GNAQ: variants seen among roughly 807,000 people sequenced by gnomAD.
GNAQ encodes the protein guanine nucleotide-binding protein G(q) subunit alpha.
In GNAQ, 8 loss-of-function variants were observed where a neutral mutation model predicts 43.9. The ratio of observed to expected loss-of-function variants is 0.18; its 90% CI spans 0.11 to 0.33. GNAQ has a LOEUF of 0.33. Ranked by LOEUF, GNAQ falls within the 10% of genes least tolerant of loss-of-function variation. The pLI is 1.00. For synonymous variants in GNAQ, 155 were observed against 170.7 expected (o/e 0.91, Z 0.71); for missense variants, 158 against 450.8 (o/e 0.35, Z 5.88).
intron 3 of GNAQ, among the ~76,000 whole-genome samples, chr9:77,806,737 A>G (rs1826836180): frequency 6.6e-6 from 1 of 152,230 alleles, no homozygotes. Context: ...TCACTCATTC[A>G]TTCAACAACT....
intron 5 of GNAQ, among the ~76,000 whole-genome samples, chr9:77,754,343 A>G (rs1825864925): frequency 6.6e-6 from 1 of 152,230 alleles, no homozygotes; most frequent in South Asian, 2.1e-4. Flanking sequence ...GTTCACTAGC[A>G]TCCCAAGCAT....
intron 5 of GNAQ, among the ~76,000 whole-genome samples, chr9:77,758,115 G>A (rs1825933150): frequency 1.3e-5 from 2 of 152,196 alleles, no homozygotes; most frequent in South Asian, 4.1e-4. Flanking sequence ...CAAGTACAAA[G>A]GATTGCTTTC....
intron 2 of GNAQ, among the ~76,000 whole-genome samples, chr9:77,869,917 ATGAG>A (rs1160819943): frequency 6.6e-6 from 1 of 152,212 alleles, no homozygotes; most frequent in Non-Finnish European, 1.5e-5. Flanking sequence ...AAGTAAATGG[ATGAG>A]TATGTGAAAA....
chr9:77,743,292 AAAC>A (rs1825681758), intron 5 of GNAQ, among the ~76,000 whole-genome samples: 1 of 151,942 alleles, frequency 6.6e-6, no homozygotes, highest in Non-Finnish European at 1.5e-5. Flanking sequence ...CAAACAAAAA[AAAC>A]AAACAACATC....
rs1266118057 is a variant in GNAQ at position 78,016,113 on chromosome 9, G to GT, written c.136+14986dup. On this transcript the variant is annotated intron_variant, in intron 1 of 6. Transcript: ENST00000286548. ...CCACATACAAAAATCAACTCAAAGT[G>GT]TAAGACCTAAAACTACAAAACTCTT... is the stretch of plus-strand genomic sequence containing the variant. Among the ~76,000 whole-genome samples the GT allele has an allele frequency of 9.9e-5, 15 of 152,046 alleles. No individual in the cohort carries two copies. In the East Asian group the frequency reaches 2.9e-3, roughly 29 times the overall value.
intron 1 of GNAQ, among the ~76,000 whole-genome samples, chr9:78,005,535 T>C (rs1277021995): frequency 6.6e-6 from 1 of 152,322 alleles, no homozygotes; most frequent in South Asian, 2.1e-4. Flanking sequence ...TGCATAATAA[T>C]GTCTTACTCA....
intron 1 of GNAQ, among the ~76,000 whole-genome samples, 197 bp downstream of exon 1, chr9:78,030,903 G>GTGTGTGTGTGTGTGTGTGTC (rs1194521072): frequency 6.6e-6 from 1 of 151,570 alleles, no homozygotes; most frequent in African/African-American, 2.4e-5. Flanking sequence ...GTGTGTGTGT[G>GTGTGTGTGTGTGTGTGTGTC]TGTGTGTGTG....
At chr9:78,029,979 A>G (rs1361376687) in intron 1 of GNAQ, among the ~76,000 whole-genome samples, 1 of 152,142 alleles carries the variant, frequency 6.6e-6, no homozygotes, top group Non-Finnish European at 1.5e-5. Flanking sequence ...TGATCGCTTG[A>G]TTCTGAACAT....
chr9:77,866,851 A>T (rs916957035), intron 2 of GNAQ, among the ~76,000 whole-genome samples: 2 of 152,234 alleles, frequency 1.3e-5, no homozygotes, highest in Non-Finnish European at 2.9e-5. Flanking sequence ...ATTAAAACAC[A>T]GTCGTCATCT....
intron 2 of GNAQ, among the ~76,000 whole-genome samples, chr9:77,832,744 G>A (rs1827319913): frequency 6.6e-6 from 1 of 152,138 alleles, no homozygotes; most frequent in Non-Finnish European, 1.5e-5. Context: ...CGATGCCTCG[G>A]AGAAGGAAGC....
intron 1 of GNAQ, among the ~76,000 whole-genome samples, chr9:77,943,309 T>C (rs1361507534): frequency 6.6e-6 from 1 of 152,198 alleles, no homozygotes; most frequent in Admixed American, 6.5e-5. Flanking sequence ...ACTTAAGAGA[T>C]ATTAACTACA....
At chr9:77,946,818 G>A (rs10869991) in intron 1 of GNAQ, among the ~76,000 whole-genome samples, 33,891 of 152,096 alleles carry the variant, frequency 0.22, 3,945 homozygotes, top group South Asian at 0.37. Context: ...TGAGCAAGTT[G>A]AGGGACCTGT....
chr9:77,962,253 A>G (rs574038631), intron 1 of GNAQ, among the ~76,000 whole-genome samples: 1 of 152,274 alleles, frequency 6.6e-6, no homozygotes, highest in African/African-American at 2.4e-5. Context: ...TAAAAGGAAA[A>G]ATATTTGAAG....
At chr9:77,960,030 C>A (rs1454733551) in intron 1 of GNAQ, among the ~76,000 whole-genome samples, 1 of 152,130 alleles carries the variant, frequency 6.6e-6, no homozygotes, top group African/African-American at 2.4e-5. Context: ...CTTCACTCAA[C>A]ACCATTTCTT....
intron 1 of GNAQ, among the ~76,000 whole-genome samples, chr9:77,984,176 CTTT>C (rs563210374): frequency 1.5e-5 from 2 of 136,916 alleles, no homozygotes; most frequent in African/African-American, 2.7e-5. Flanking sequence ...TTTTGCTTTT[CTTT>C]TTTTTTTTTT....
At chr9:77,908,809 A>T (rs1379721906) in intron 2 of GNAQ, among the ~76,000 whole-genome samples, 2 of 152,208 alleles carry the variant, frequency 1.3e-5, no homozygotes, top group Admixed American at 1.3e-4. Context: ...CTGCTTCAGC[A>T]TCAGCTTGTG....
At chr9:77,844,631 T>G (rs1827549863) in intron 2 of GNAQ, among the ~76,000 whole-genome samples, 1 of 152,138 alleles carries the variant, frequency 6.6e-6, no homozygotes, top group South Asian at 2.1e-4. Context: ...TTGAGAAAAT[T>G]ATTTAACATC....
chr9:77,837,138 CAT>C (rs1233968225), intron 2 of GNAQ, among the ~76,000 whole-genome samples: 1 of 151,768 alleles, frequency 6.6e-6, no homozygotes, highest in South Asian at 2.1e-4. Context: ...AATTAAGTAA[CAT>C]ATATATATTT....
At chr9:77,837,048 G>C (rs1414915269) in intron 2 of GNAQ, among the ~76,000 whole-genome samples, 1 of 152,158 alleles carries the variant, frequency 6.6e-6, no homozygotes, top group Non-Finnish European at 1.5e-5. Context: ...TTTCCTGTGA[G>C]AATAAATGGA....
Sources: allele counts gnomAD v4.1 joint callset (sites outside exome capture counted in the v4.1 genomes callset), GRCh38; gene constraint gnomAD v4.1.1; transcripts MANE v1.5; gene names NCBI Gene and HGNC (gene_info 2026-07-23, HGNC 2026-07-21).